The following RIC8B variants were observed in gnomAD, a reference collection of about 807,000 sequenced individuals.
RIC8B encodes the protein RIC8 guanine nucleotide exchange factor B.
A neutral mutation model predicts 57.5 loss-of-function variants in RIC8B; 16 were observed. The ratio of observed to expected loss-of-function variants is 0.28; its 90% confidence interval spans 0.19 to 0.42. RIC8B has a LOEUF of 0.42. RIC8B is among the 10% of genes least tolerant of loss of function. The probability of loss-of-function intolerance (pLI) is 1.00; values close to 1 mark genes in which losing one functional copy is unlikely to be tolerated. For missense variants in RIC8B, 481 were observed against 677.0 expected (o/e 0.71, Z 3.21); for synonymous variants, 216 against 250.8 (o/e 0.86, Z 1.31).
intron 9 of RIC8B, among the ~76,000 whole-genome samples, chr12:106,874,007 A>G (rs1221748987): frequency 1.3e-5 from 2 of 152,226 alleles, no homozygotes; most frequent in Non-Finnish European, 2.9e-5. Context: ...TATCAGATTT[A>G]TCATTGGGGG....
Position 106,871,500 on chromosome 12 carries a change from C to CAAAAAAAAA in RIC8B, c.1571+564_1571+565insAAAAAAAAA, listed in dbSNP as rs1566169701. On this transcript the variant is annotated intron_variant, in intron 9 of 9. Transcript: ENST00000392837. ...AAAAAAAAAAAAAAAAAAAAAAAAC[C>CAAAAAAAAA]AAAAAACTCCCCTTCCCCTCTTGCT... 1.0e-3 allele frequency: 67 copies of CAAAAAAAAA among 66,554 alleles called. 9 individuals carry two copies. Among genetic ancestry groups the CAAAAAAAAA allele is most frequent in the African/African-American group, 3.0e-3 (50 of 16,616 alleles). The allele number at this position is 66,554 out of a possible 1,614,324, so 4.1% of individuals were successfully genotyped here.
intron 6 of RIC8B, among the ~76,000 whole-genome samples, chr12:106,846,475 T>C (rs151031054): frequency 6.5e-4 from 99 of 152,290 alleles, no homozygotes; most frequent in African/African-American, 2.3e-3. Context: ...GAGACCATCT[T>C]TGAGGAATTT....
intron 9 of RIC8B, among the ~76,000 whole-genome samples, chr12:106,871,874 C>T (rs565005055): frequency 5.3e-5 from 8 of 152,212 alleles, no homozygotes; most frequent in Admixed American, 2.6e-4. Context: ...AACACAGAAA[C>T]GAGCAGAGAT....
chr12:106,887,090 A>T lies in RIC8B; in HGVS notation c.*1075A>T, dbSNP rs1481386401. On this transcript the variant is annotated 3_prime_UTR_variant, in exon 10 of 10. Coordinates refer to ENST00000392837, the MANE Select transcript of RIC8B (RefSeq NM_001330145.2). ...TACTTTTAGAATTGGTCCTATGAAG[A>T]AGTAGAAAGTGAGTCATGCACTAGA... is the stretch of plus-strand genomic sequence containing the variant. 6.6e-6 allele frequency: 1 copy of T among 152,596 alleles called. No homozygotes were observed. The highest frequency in any genetic ancestry group is 1.5e-5 in the Non-Finnish European group (1 of 68,030). 9.5% of individuals were successfully genotyped at this position (152,596 alleles called of 1,614,324 possible).
rs534990912 is a variant in RIC8B at position 106,804,339 on chromosome 12, T to G, written c.133-10357T>G. On this transcript the variant is annotated intron_variant, in intron 2 of 9. Coordinates refer to ENST00000392837, the MANE Select transcript of RIC8B (RefSeq NM_001330145.2). ...AAGCGATTCTCCTGCCCCAGCCTCA[T>G]GAGTGGCTAGGATTACAGGCGCCCA... Among the ~76,000 whole-genome samples, 11 of 152,028 alleles carry G rather than the reference T, an allele frequency of 7.2e-5. No homozygotes were observed. In the South Asian group the frequency reaches 2.3e-3, roughly 32 times the overall value.
intron 1 of RIC8B, chr12:106,775,510 C>G (rs765631360): frequency 2.2e-5 from 8 of 356,278 alleles, no homozygotes; most frequent in Non-Finnish European, 3.4e-5. Context: ...CTTATTTAAT[C>G]TTACAGCAAT....
intron 2 of RIC8B, among the ~76,000 whole-genome samples, chr12:106,790,898 C>G (rs138153254): frequency 6.6e-6 from 1 of 152,140 alleles, no homozygotes; most frequent in Admixed American, 6.5e-5. Context: ...TTCACACAGC[C>G]CATATTTCTG....
chr12:106,852,131 A>C (rs564817484), intron 7 of RIC8B, among the ~76,000 whole-genome samples: 2 of 152,364 alleles, frequency 1.3e-5, no homozygotes, highest in Non-Finnish European at 2.9e-5. Context: ...AAATAACTGT[A>C]CTACAGTGTA....
rs1299860696 is a variant in RIC8B, at chr12:106,879,211, A to G, written c.1572-6693A>G. 2.0e-6 allele frequency: 2 copies of G among 985,726 alleles called. No individual in the cohort carries two copies. The highest frequency in any genetic ancestry group is 2.4e-6 in the Non-Finnish European group (2 of 829,936). The allele number at this position is 985,726 out of a possible 1,614,324, so 61.1% of individuals were successfully genotyped here. On this transcript the variant is annotated intron_variant, in intron 9 of 9. Transcript: ENST00000392837. This position sits in a 1 kb window ranked among gnomAD's most constrained non-coding sequence, Gnocchi z 4.9. ...CTGCTTAATTATGTCCTGTTTTTCAACAAGTACACTTGAATTGAATGTTTT... is the reference window on the plus strand; with the variant it reads ...CTGCTTAATTATGTCCTGTTTTTCAGCAAGTACACTTGAATTGAATGTTTT...
Position 106,867,798 on chromosome 12 carries a change from C to G in RIC8B, c.1452-3025C>G, listed in dbSNP as rs1950202210. Among the ~76,000 whole-genome samples the G allele has an allele frequency of 6.6e-6, 1 of 152,142 alleles. No homozygotes were observed. The highest frequency in any genetic ancestry group is 1.9e-4 in the East Asian group (1 of 5,192). ...GCTACGCTATACTTCAGTGCCCTAA[C>G]TTGTGTTTTCTGTGGCTTTTGTTTA... On this transcript the variant is annotated intron_variant, in intron 8 of 9. Coordinates refer to ENST00000392837, the MANE Select transcript of RIC8B (RefSeq NM_001330145.2). This position sits in a 1 kb window ranked among gnomAD's most constrained non-coding sequence, Gnocchi z 4.3.
intron 9 of RIC8B, among the ~76,000 whole-genome samples, chr12:106,875,899 C>T (rs1950640453): frequency 6.6e-6 from 1 of 151,968 alleles, no homozygotes; most frequent in Non-Finnish European, 1.5e-5. Flanking sequence ...TTTAAACTGA[C>T]TAAGGCTGAG....
intron 4 of RIC8B, among the ~76,000 whole-genome samples, chr12:106,827,114 C>A (rs2046139711): frequency 6.6e-6 from 1 of 152,044 alleles, no homozygotes; most frequent in Non-Finnish European, 1.5e-5. Context: ...GCGACTTGTC[C>A]GTTAGAACTA....
chr12:106,884,806 G>C (rs115964678), intron 9 of RIC8B, among the ~76,000 whole-genome samples: 1,846 of 152,266 alleles, frequency 0.012, 19 homozygotes, highest in Middle Eastern at 0.048. Context: ...CTACTGTGTG[G>C]CTGCCCCTTC....
In RIC8B at chr12:106,888,910, G is replaced by A. The variant is rs1225160336; in HGVS notation, c.*2895G>A. 3 of 152,158 alleles carry A rather than the reference G, an allele frequency of 2.0e-5. No homozygotes were observed. Among genetic ancestry groups the A allele is most frequent in the Non-Finnish European group, 4.4e-5 (3 of 68,058 alleles). 9.4% of individuals were successfully genotyped at this position (152,158 alleles called of 1,614,324 possible). Reference sequence around the variant, plus strand: ...TTTCAGATGCCCAGTAGTCCTGGGAGGCAGGCAGGGCAGGTGTTATTATCC... The same window carrying A: ...TTTCAGATGCCCAGTAGTCCTGGGAAGCAGGCAGGGCAGGTGTTATTATCC... On this transcript the variant is annotated 3_prime_UTR_variant, in exon 10 of 10. Coordinates refer to ENST00000392837, the MANE Select transcript of RIC8B (RefSeq NM_001330145.2).
chr12:106,826,868 ACT>A (rs2046129057), intron 4 of RIC8B, among the ~76,000 whole-genome samples: 1 of 152,152 alleles, frequency 6.6e-6, no homozygotes, highest in Non-Finnish European at 1.5e-5. Flanking sequence ...CGGGCAGATC[ACT>A]TGAGTTGAGC....
At chr12:106,834,737 A>G (rs991789044) in intron 4 of RIC8B, among the ~76,000 whole-genome samples, 2 of 152,048 alleles carry the variant, frequency 1.3e-5, no homozygotes, top group African/African-American at 4.8e-5. Flanking sequence ...TAATCCCAGC[A>G]CTTTGGGAGG....
intron 8 of RIC8B, among the ~76,000 whole-genome samples, chr12:106,864,728 A>C (rs183358865): frequency 1.8e-3 from 275 of 152,264 alleles, no homozygotes; most frequent in Non-Finnish European, 3.0e-3. Context: ...TTAAGTGAAC[A>C]AATTTGTAGC....
intron 1 of RIC8B, among the ~76,000 whole-genome samples, chr12:106,777,456 A>T (rs912902757): frequency 6.6e-6 from 1 of 152,172 alleles, no homozygotes; most frequent in Non-Finnish European, 1.5e-5. Flanking sequence ...GGATTTGAGA[A>T]ATGTTTGGAT....
intron 1 of RIC8B, among the ~76,000 whole-genome samples, chr12:106,779,097 G>C (rs1016604567): frequency 3.3e-5 from 5 of 152,138 alleles, no homozygotes; most frequent in Admixed American, 3.3e-4. Context: ...ATCTTTAGTA[G>C]AGACGGGGTT....
Sources: gnomAD v4.1 joint callset for allele counts (sites outside exome capture counted in the v4.1 genomes callset) on GRCh38, gnomAD v4.1.1 for gene constraint, Gnocchi (gnomAD v3.1) non-coding constraint, MANE v1.5 for transcripts, NCBI Gene and HGNC (gene_info 2026-07-23, HGNC 2026-07-21) for gene names.